Variants in IQGAP3 observed in about 807,000 individuals in gnomAD.
IQGAP3 encodes the protein ras GTPase-activating-like protein IQGAP3.
A neutral mutation model predicts 208.2 loss-of-function variants in IQGAP3; 165 were observed. That is an observed-to-expected ratio of 0.79 (90% confidence interval 0.70 to 0.90). The LOEUF is 0.90. Ranked by LOEUF, IQGAP3 falls within the 40% of genes least tolerant of loss-of-function variation. IQGAP3 has a pLI of 0.00. For missense variants in IQGAP3, 1,811 were observed against 2,043.1 expected, an observed-to-expected ratio of 0.89 and a Z score of 2.19; for synonymous variants, 703 against 803.6, an observed-to-expected ratio of 0.87 and a Z score of 2.12.
intron 2 of IQGAP3, 100 bp downstream of exon 2, chr1:156,569,276 T>A (rs959044923): frequency 1.7e-5 from 12 of 724,984 alleles, no homozygotes; most frequent in Non-Finnish European, 2.4e-6. Context: ...TCCCACAGGA[T>A]GGACTCTCGA....
At chr1:156,548,850 A>G (rs1182352902) in intron 16 of IQGAP3, 102 bp from the exon 17 acceptor site, 2 of 1,205,568 alleles carry the variant, frequency 1.7e-6, no homozygotes, top group Non-Finnish European at 2.2e-6. Context: ...GAGGACACAA[A>G]ATCACCCTTC....
At chr1:156,550,153 G>A (rs1428375099) in intron 16 of IQGAP3, 108 bp downstream of exon 16, 2 of 742,684 alleles carry the variant, frequency 2.7e-6, no homozygotes, top group Non-Finnish European at 4.7e-6. Flanking sequence ...CCCCACAGAG[G>A]TTGAAGGGAG....
rs370383323 is a variant in IQGAP3, at chr1:156,531,135, C to T, written c.4191+25G>A. ...GAGGTGGGGGATGAATGAGACAGAA[C>T]CTGTGGGCCAGCCCGGCTACTCACT... On this transcript the variant is annotated intron_variant, in intron 33 of 37. Transcript: ENST00000361170. 10 of 1,549,576 alleles carry T rather than the reference C, an allele frequency of 6.5e-6. No individual in the cohort carries two copies. The African/African-American group carries it at 9.5e-5, about 15-fold the overall frequency.
chr1:156,563,545 G>C lies in IQGAP3; in HGVS notation c.619+8C>G. Reference sequence around the variant, plus strand: ...CCTACTCCTGGCAGGGCAGAGCCTAGTCCTTACCTGCAGCCTCATCCACCG... The same window carrying C: ...CCTACTCCTGGCAGGGCAGAGCCTACTCCTTACCTGCAGCCTCATCCACCG... On this transcript the variant is annotated splice_region_variant and intron_variant, in intron 7 of 37. Coordinates refer to ENST00000361170, the MANE Select transcript of IQGAP3 (RefSeq NM_178229.5). 1.2e-6 allele frequency: 2 copies of C among 1,609,156 alleles called. No individual in the cohort carries two copies. The highest frequency in any genetic ancestry group is 1.7e-6 in the Non-Finnish European group (2 of 1,176,474).
chr1:156,530,564 G>A (rs1317911737), intron 33 of IQGAP3, among the ~76,000 whole-genome samples: 4 of 152,138 alleles, frequency 2.6e-5, no homozygotes, highest in African/African-American at 9.7e-5. Flanking sequence ...GATCACCACA[G>A]GGGAAGAGTG....
chr1:156,563,471 G>C, intron 7 of IQGAP3, 82 bp downstream of exon 7: 1 of 1,374,028 alleles, frequency 7.3e-7, no homozygotes, highest in Non-Finnish European at 1.0e-6. Context: ...GAGCTGGCCA[G>C]AACCCATCCA....
At chr1:156,530,959 T>A (rs1010018756) in intron 33 of IQGAP3, among the ~76,000 whole-genome samples, 1 of 152,186 alleles carries the variant, frequency 6.6e-6, no homozygotes, top group African/African-American at 2.4e-5. Context: ...TGGGGCCCCA[T>A]GACTCTGTAG....
At chr1:156,572,439 C>T in intron 1 of IQGAP3, 54 bp downstream of exon 1, 1 of 1,579,500 alleles carries the variant, frequency 6.3e-7, no homozygotes, top group Non-Finnish European at 8.6e-7. Flanking sequence ...GACAGCCAAG[C>T]CCCCGACCAG....
chr1:156,552,103 T>C lies in IQGAP3; in HGVS notation c.1449-8A>G, dbSNP rs1473863237. 2 of 1,613,614 alleles carry C rather than the reference T, an allele frequency of 1.2e-6. No homozygotes were observed. The highest frequency in any genetic ancestry group is 3.3e-5 in the Admixed American group (2 of 59,948). ...AGCAGGGCATCGAAGTAACTGGCAG[T>C]GGGGTGAAGGGCAGAGAGGTGAGTA... On this transcript the variant is annotated splice_region_variant and splice_polypyrimidine_tract_variant and intron_variant, in intron 13 of 37. Transcript: ENST00000361170.
intron 1 of IQGAP3, among the ~76,000 whole-genome samples, chr1:156,569,762 G>A (rs939262489): frequency 1.4e-4 from 21 of 152,000 alleles, no homozygotes; most frequent in African/African-American, 3.1e-4. Context: ...CTCGTGATCC[G>A]CCCGCCTTGG....
At chr1:156,526,726 C>A in intron 37 of IQGAP3, 127 bp from the exon 38 acceptor site, 1 of 632,520 alleles carries the variant, frequency 1.6e-6, no homozygotes, top group South Asian at 1.8e-5. Flanking sequence ...TGAAGTAGGG[C>A]ATTGAAATCC....
intron 5 of IQGAP3, among the ~76,000 whole-genome samples, chr1:156,564,132 C>G (rs1676292062): frequency 6.6e-6 from 1 of 152,098 alleles, no homozygotes; most frequent in Admixed American, 6.5e-5. Flanking sequence ...AAGCAGATAC[C>G]TGCTGAGCTA....
chr1:156,546,847 C>A (rs1331118795), intron 19 of IQGAP3, among the ~76,000 whole-genome samples: 3 of 152,220 alleles, frequency 2.0e-5, no homozygotes, highest in Non-Finnish European at 4.4e-5. Flanking sequence ...CTGATCTGCA[C>A]ATCTGTCTCC....
In IQGAP3 at chr1:156,569,455, G is replaced by A. The variant is rs779647746; in HGVS notation, c.46C>T (p.Leu16Phe). Reference sequence around the variant, plus strand: ...TGCTCATCCATCTCCTCAGCTGTGAGGCGTTCATCTGAGGAGTTAAACGGG... The same window carrying A: ...TGCTCATCCATCTCCTCAGCTGTGAAGCGTTCATCTGAGGAGTTAAACGGG... ...AGPGWAAYER[L>F]TAEEMDEQRR... Residue 16 changes from leucine to phenylalanine, a missense_variant, in exon 2 of 38, where the codon CTC (leucine) becomes TTC (phenylalanine). Coordinates refer to ENST00000361170, the MANE Select transcript of IQGAP3 (RefSeq NM_178229.5). The A allele has an allele frequency of 2.5e-6, 4 of 1,610,706 alleles. No homozygotes were observed. The highest frequency in any genetic ancestry group is 3.3e-5 in the Admixed American group (2 of 59,766).
rs759852076 is a variant in IQGAP3, at chr1:156,527,964, C to T, written c.4770G>A (p.Gln1590=). ...ACTGTCCCCTCACCTGATAGTGAAG[C>T]TGAAATCGCTCCATGTCCACACCCA... ...KFLGVDMERF[Q]LHYQDLLQLQ... is the part of the protein sequence containing the mutation. Residue 1590 remains glutamine (Q), a synonymous_variant, in exon 37 of 38, where the codon CAG becomes CAA. Coordinates refer to ENST00000361170, the MANE Select transcript of IQGAP3 (RefSeq NM_178229.5). 1 of 1,612,440 alleles carries T rather than the reference C, an allele frequency of 6.2e-7. No homozygotes were observed. The highest frequency in any genetic ancestry group is 8.5e-7 in the Non-Finnish European group (1 of 1,178,412).
chr1:156,566,246 C>A (rs1216914524), intron 3 of IQGAP3, 142 bp from the exon 4 acceptor site: 3 of 1,213,712 alleles, frequency 2.5e-6, no homozygotes, highest in Admixed American at 2.0e-5. Context: ...TCCATCCCTA[C>A]CAGGACAGAG....
chr1:156,541,238 T>C (rs147996939), intron 22 of IQGAP3, among the ~76,000 whole-genome samples: 44 of 151,926 alleles, frequency 2.9e-4, no homozygotes, highest in African/African-American at 1.0e-3. Flanking sequence ...CTGATTATCC[T>C]CCCAGACCTC....
chr1:156,530,758 G>A (rs879686926), intron 33 of IQGAP3, among the ~76,000 whole-genome samples: 1 of 152,218 alleles, frequency 6.6e-6, no homozygotes, highest in African/African-American at 2.4e-5. Flanking sequence ...CCCTGGTTCA[G>A]TCTTCACTCC....
Position 156,550,368 on chromosome 1 carries a change from G to GA in IQGAP3, c.1735-18dup, listed in dbSNP as rs750032599. On this transcript the variant is annotated splice_polypyrimidine_tract_variant and intron_variant, in intron 15 of 37. Coordinates refer to ENST00000361170, the MANE Select transcript of IQGAP3 (RefSeq NM_178229.5). The stretch of plus-strand genomic sequence containing the variant: ...CCCTGTCACCTGGCAGATTGAGGGA[G>GA]AAAAAAAAGATGTGACCCCAAGCTA... 92 of 1,587,218 alleles carry GA rather than the reference G, an allele frequency of 5.8e-5. No homozygotes were observed. Among genetic ancestry groups the GA allele is most frequent in the Non-Finnish European group, 7.3e-5 (84 of 1,157,816 alleles).
Sources: gnomAD v4.1 joint callset for allele counts (sites outside exome capture counted in the v4.1 genomes callset) on GRCh38, gnomAD v4.1.1 for gene constraint, MANE v1.5 for transcripts, NCBI Gene and HGNC (gene_info 2026-07-23, HGNC 2026-07-21) for gene names.